Variants in CLCN3 observed in about 807,000 individuals in gnomAD.
The protein encoded by CLCN3 is Cl-/H+ antiporter 3, also known as H(+)/Cl(-) exchange transporter 3.
CLCN3 carries 16 observed loss-of-function variants against 83.4 expected under a neutral mutation model. That is an observed-to-expected ratio of 0.19 (90% confidence interval 0.13 to 0.29). The LOEUF (loss-of-function observed/expected upper bound fraction) is 0.29, where lower values mean the gene tolerates loss of function less well. Ranked by LOEUF, CLCN3 falls within the 10% of genes least tolerant of loss-of-function variation. The pLI, the probability that CLCN3 is intolerant of heterozygous loss-of-function variation, is 1.00. For missense variants in CLCN3, 544 were observed against 1,006.0 expected (o/e 0.54, Z 6.21); for synonymous variants, 322 against 346.2 (o/e 0.93, Z 0.78).
chr4:169,673,593 A>T (rs938570489), intron 2 of CLCN3, among the ~76,000 whole-genome samples: 1 of 152,156 alleles, frequency 6.6e-6, no homozygotes, highest in Non-Finnish European at 1.5e-5. Flanking sequence ...AAGAGTAACA[A>T]GACCAGTAGT....
chr4:169,657,477 A>G (rs898537281), intron 2 of CLCN3, among the ~76,000 whole-genome samples: 2 of 152,092 alleles, frequency 1.3e-5, no homozygotes, highest in Non-Finnish European at 2.9e-5. Flanking sequence ...AAGGCAAAAA[A>G]TTGTTTAAAA....
intron 2 of CLCN3, among the ~76,000 whole-genome samples, chr4:169,652,248 T>C (rs1048753995): frequency 1.3e-5 from 2 of 152,202 alleles, no homozygotes; most frequent in African/African-American, 4.8e-5. Context: ...CTAATCACTT[T>C]CTTGCTTTAC....
At chr4:169,701,632 A>C (rs1196441361) in intron 9 of CLCN3, among the ~76,000 whole-genome samples, 1 of 152,206 alleles carries the variant, frequency 6.6e-6, no homozygotes, top group Non-Finnish European at 1.5e-5. Context: ...TTCTCAGAGG[A>C]AAGAATTCTA....
chr4:169,711,335 C>T (rs1733206125), intron 11 of CLCN3, among the ~76,000 whole-genome samples: 1 of 152,130 alleles, frequency 6.6e-6, no homozygotes, highest in Non-Finnish European at 1.5e-5. Flanking sequence ...ATGTCAATTG[C>T]TAATGGACTT....
chr4:169,681,235 A>G (rs1397503907), intron 3 of CLCN3, among the ~76,000 whole-genome samples: 2 of 152,080 alleles, frequency 1.3e-5, no homozygotes, highest in Non-Finnish European at 2.9e-5. Context: ...TTTAGTAGAG[A>G]TGAAGTTTCG....
intron 2 of CLCN3, among the ~76,000 whole-genome samples, chr4:169,667,894 T>C (rs1452120281): frequency 1.3e-5 from 2 of 151,512 alleles, no homozygotes; most frequent in African/African-American, 4.8e-5. Context: ...TACAGGCATA[T>C]GCCACTATGC....
chr4:169,684,971 G>C (rs34763720), intron 3 of CLCN3, among the ~76,000 whole-genome samples: 25,833 of 137,112 alleles, frequency 0.19, 2,882 homozygotes, highest in South Asian at 0.34. Context: ...ACCATGCCTG[G>C]CTAATTTTTT....
chr4:169,677,105 G>T (rs1731711181), intron 2 of CLCN3, among the ~76,000 whole-genome samples: 1 of 151,810 alleles, frequency 6.6e-6, no homozygotes, highest in Non-Finnish European at 1.5e-5. Context: ...TGGAACTTCA[G>T]TATTTGAACT....
At position 169,620,699 on chromosome 4, in the gene CLCN3, C is replaced by A. The variant is rs1773090040; in HGVS notation, c.-381C>A. 2.5e-6 allele frequency: 1 copy of A among 398,620 alleles called. No homozygotes were observed. The highest frequency in any genetic ancestry group is 3.6e-5 in the East Asian group (1 of 28,082). 24.7% of individuals were successfully genotyped at this position (398,620 alleles called of 1,614,324 possible). ...GAGGGTGTGGTGGGTTGAAAGCCAT[C>A]CTACTTTACTCCCGAGTTAGAGCAT... On this transcript the variant is annotated 5_prime_UTR_variant, in exon 1 of 13. Transcript: ENST00000513761.
At chr4:169,693,347 A>G (rs1248489510) in intron 7 of CLCN3, among the ~76,000 whole-genome samples, 1 of 152,202 alleles carries the variant, frequency 6.6e-6, no homozygotes, top group Non-Finnish European at 1.5e-5. Flanking sequence ...AATAGCTAGC[A>G]TTATTGATTA....
At chr4:169,680,795 G>A (rs1731907167) in intron 3 of CLCN3, 1 of 151,958 alleles carries the variant, frequency 6.6e-6, no homozygotes, top group Non-Finnish European at 1.5e-5. Context: ...GATCCTTTTT[G>A]TTTGTGGTCG....
chr4:169,717,806 TCATCACAAAGAAGAA>T, intron 12 of CLCN3: 1 of 1,611,492 alleles, frequency 6.2e-7, no homozygotes, highest in Admixed American at 1.7e-5. Context: ...GTCTTGGGGA[TCATCACAAAGAAGAA>T]CATATTAGAG....
chr4:169,639,593 G>A (rs560815895), intron 2 of CLCN3, among the ~76,000 whole-genome samples: 1 of 152,164 alleles, frequency 6.6e-6, no homozygotes, highest in Non-Finnish European at 1.5e-5. Context: ...TTAAGACAGT[G>A]AATATTCTTT....
intron 4 of CLCN3, among the ~76,000 whole-genome samples, chr4:169,688,506 CTG>C (rs1486799240): frequency 1.3e-5 from 2 of 152,180 alleles, no homozygotes; most frequent in Non-Finnish European, 2.9e-5. Flanking sequence ...TTTATGGCCT[CTG>C]TGTATGTAAC....
chr4:169,699,866 G>A (rs1732708961), intron 9 of CLCN3, among the ~76,000 whole-genome samples: 1 of 151,872 alleles, frequency 6.6e-6, no homozygotes, highest in South Asian at 2.1e-4. Flanking sequence ...CAGGCAACAG[G>A]GCAAGACACT....
In CLCN3 at chr4:169,621,083, C is replaced by G. The variant is rs573718425; in HGVS notation, c.-17+20C>G. ...TGCGAGGTGAGTTGCATTGTATGAG[C>G]GAAGAGTTGTCAGCTCTCCTGTTCA... is the stretch of plus-strand genomic sequence containing the variant. On this transcript the variant is annotated intron_variant, in intron 1 of 12. Transcript: ENST00000513761. 5.0e-6 allele frequency: 2 copies of G among 396,218 alleles called. No homozygotes were observed. Among genetic ancestry groups the G allele is most frequent in the African/African-American group, 4.1e-5 (2 of 48,546 alleles). 24.5% of individuals were successfully genotyped at this position (396,218 alleles called of 1,614,324 possible). A position where few individuals can be genotyped will look rare whatever the true frequency, so the allele number is the denominator to read the frequency against.
rs1162894161 is a variant in CLCN3, at chr4:169,670,173, TG to T, written c.161-9876del. On this transcript the variant is annotated intron_variant, in intron 2 of 12. Transcript: ENST00000513761. ...TGGCTTTTGTCGCCATTGCTTTTGGTGTTTCAGTCATGAAGTCTTTGCCAGT... is the reference window on the plus strand; with the variant it reads ...TGGCTTTTGTCGCCATTGCTTTTGGTTTTCAGTCATGAAGTCTTTGCCAGT... Among the ~76,000 whole-genome samples, 5 of 152,336 alleles carry T rather than the reference TG, an allele frequency of 3.3e-5. No homozygotes were observed. The East Asian group carries it at 9.6e-4, about 29-fold the overall frequency.
chr4:169,631,356 G>A (rs536682148), intron 1 of CLCN3, among the ~76,000 whole-genome samples: 8 of 152,002 alleles, frequency 5.3e-5, no homozygotes, highest in South Asian at 4.1e-4. Flanking sequence ...GCGCAATCTC[G>A]GCTCACTGCA....
rs903307539 is a variant in CLCN3, at chr4:169,659,858, T to TTA, written c.161-20192_161-20191insTA. ...ATTCTCTCGTAAAACCACACAAACT[T>TTA]ACTAGAGTGCTGCTCTCATTTTTCT... On this transcript the variant is annotated intron_variant, in intron 2 of 12. Coordinates refer to ENST00000513761, the MANE Select transcript of CLCN3 (RefSeq NM_001829.4). 3.9e-5 allele frequency among the ~76,000 whole-genome samples: 6 copies of TTA among 152,274 alleles called. 1 individual carries two copies. Among genetic ancestry groups the TTA allele is most frequent in the African/African-American group, 1.2e-4 (5 of 41,556 alleles).
Sources: gnomAD v4.1 joint callset for allele counts (sites outside exome capture counted in the v4.1 genomes callset) on GRCh38, gnomAD v4.1.1 for gene constraint, MANE v1.5 for transcripts, NCBI Gene and HGNC (gene_info 2026-07-23, HGNC 2026-07-21) for gene names.